Variants in UGT1A10 observed in about 807,000 individuals in gnomAD.
The protein encoded by UGT1A10 is UDP glucuronosyltransferase family 1 member A10.
Under a neutral mutation model 45.8 loss-of-function variants are expected in UGT1A10, and 49 were observed. The observed-to-expected ratio is 1.07, with a 90% CI of 0.85 to 1.36. The LOEUF (loss-of-function observed/expected upper bound fraction) is 1.36, where lower values mean the gene tolerates loss of function less well. Among genes scored for constraint, UGT1A10 ranks in the 40% most tolerant of loss-of-function variants. The pLI, the probability that UGT1A10 is intolerant of heterozygous loss-of-function variation, is 0.00. For missense variants in UGT1A10, 745 were observed against 668.6 expected (o/e 1.11, Z -1.26); for synonymous variants, 284 against 249.7 (o/e 1.14, Z -1.29).
intron 1 of UGT1A10, among the ~76,000 whole-genome samples, chr2:233,679,063 A>C (rs10207520): frequency 0.3 from 45,512 of 151,864 alleles, 7,096 homozygotes; most frequent in South Asian, 0.4. Context: ...ATTCTCTTCC[A>C]TAGTATTGAC....
At chr2:233,661,190 C>T (rs1207602142) in intron 1 of UGT1A10, among the ~76,000 whole-genome samples, 2 of 151,278 alleles carry the variant, frequency 1.3e-5, no homozygotes, top group East Asian at 1.9e-4. Context: ...AATATGTGAG[C>T]GTTCCCCAAC....
chr2:233,743,766 C>G (rs750440547), intron 1 of UGT1A10: 10 of 1,367,368 alleles, frequency 7.3e-6, no homozygotes, highest in Non-Finnish European at 9.8e-6. Flanking sequence ...TCGTAGGCCT[C>G]GGCCACCTGC....
chr2:233,761,292 A>G, intron 1 of UGT1A10: 4 of 1,528,102 alleles, frequency 2.6e-6, no homozygotes, highest in Middle Eastern at 1.9e-4. Flanking sequence ...TTTGACTCCT[A>G]GGTTTGAGTC....
chr2:233,760,863 C>A, intron 1 of UGT1A10: 1 of 1,614,134 alleles, frequency 6.2e-7, no homozygotes, highest in Non-Finnish European at 8.5e-7. Flanking sequence ...CATTCTCCTA[C>A]GTGCCCAGGC....
intron 1 of UGT1A10, chr2:233,682,206 T>C (rs1290794027): frequency 6.2e-7 from 1 of 1,614,224 alleles, no homozygotes; most frequent in Middle Eastern, 1.7e-4. Flanking sequence ...GACCGGGAGT[T>C]CATGGTTTTT....
intron 1 of UGT1A10, among the ~76,000 whole-genome samples, chr2:233,641,590 T>C (rs2073454194): frequency 6.6e-6 from 1 of 152,264 alleles, no homozygotes; most frequent in African/African-American, 2.4e-5. Context: ...GTGTACTTAC[T>C]ATTACCAGTG....
chr2:233,724,324 G>A (rs1335235412), intron 1 of UGT1A10, among the ~76,000 whole-genome samples: 16 of 147,022 alleles, frequency 1.1e-4, no homozygotes, highest in African/African-American at 1.5e-4. Flanking sequence ...GGGGCGGCTG[G>A]CCAGGCGGGG....
intron 1 of UGT1A10, among the ~76,000 whole-genome samples, chr2:233,726,421 T>C (rs1301909169): frequency 6.6e-6 from 1 of 152,226 alleles, no homozygotes; most frequent in African/African-American, 2.4e-5. Context: ...TCTGATTCTG[T>C]CCACTCTTAA....
intron 1 of UGT1A10, among the ~76,000 whole-genome samples, chr2:233,758,576 G>A (rs1696917059): frequency 6.6e-6 from 1 of 152,184 alleles, no homozygotes; most frequent in Admixed American, 6.5e-5. Context: ...AAAAAATGAA[G>A]AGTGTTTGGG....
intron 1 of UGT1A10, among the ~76,000 whole-genome samples, chr2:233,659,417 C>T (rs1428226736): frequency 6.6e-6 from 1 of 151,992 alleles, no homozygotes; most frequent in Non-Finnish European, 1.5e-5. Flanking sequence ...GTAATAAAGT[C>T]AGCTAGATAA....
At chr2:233,749,415 A>G (rs1694185994) in intron 1 of UGT1A10, among the ~76,000 whole-genome samples, 1 of 151,912 alleles carries the variant, frequency 6.6e-6, no homozygotes, top group Non-Finnish European at 1.5e-5. Context: ...TGTTAACTAC[A>G]TTGCTCAAAA....
At chr2:233,754,113 C>T (rs1185376783) in intron 1 of UGT1A10, among the ~76,000 whole-genome samples, 1 of 152,168 alleles carries the variant, frequency 6.6e-6, no homozygotes, top group Non-Finnish European at 1.5e-5. Flanking sequence ...TCCTACATCA[C>T]GAGCATTTAT....
intron 1 of UGT1A10, among the ~76,000 whole-genome samples, chr2:233,723,275 T>C (rs4663332): frequency 0.33 from 30,050 of 91,182 alleles, 6,430 homozygotes; most frequent in African/African-American, 0.61. Context: ...AATGGCACGA[T>C]GTTGGCTCAC....
At chr2:233,737,920 A>AT (rs1189793368) in intron 1 of UGT1A10, among the ~76,000 whole-genome samples, 1 of 152,076 alleles carries the variant, frequency 6.6e-6, no homozygotes, top group Non-Finnish European at 1.5e-5. Context: ...AGGCTAGTGT[A>AT]TTTAGTAGTG....
chr2:233,693,120 G>A, intron 1 of UGT1A10: 1 of 1,614,180 alleles, frequency 6.2e-7, no homozygotes, highest in Non-Finnish European at 8.5e-7. Flanking sequence ...GGAAGCCACT[G>A]GCTTAGTATG....
chr2:233,690,105 T>C (rs2074974795), intron 1 of UGT1A10, among the ~76,000 whole-genome samples: 1 of 152,240 alleles, frequency 6.6e-6, no homozygotes, highest in Non-Finnish European at 1.5e-5. Context: ...CTGCATCTTA[T>C]GTCACATATG....
intron 1 of UGT1A10, among the ~76,000 whole-genome samples, chr2:233,638,422 A>T (rs988030709): frequency 6.6e-6 from 1 of 152,162 alleles, no homozygotes; most frequent in African/African-American, 2.4e-5. Flanking sequence ...TATGCATTAG[A>T]TGTACAATAT....
intron 1 of UGT1A10, among the ~76,000 whole-genome samples, chr2:233,670,565 G>T (rs960748916): frequency 2.6e-5 from 4 of 152,178 alleles, no homozygotes; most frequent in African/African-American, 9.7e-5. Flanking sequence ...CTTCTTCTAT[G>T]TCTTCTTTAG....
At chr2:233,688,692 A>T (rs1187476979) in intron 1 of UGT1A10, among the ~76,000 whole-genome samples, 1 of 152,142 alleles carries the variant, frequency 6.6e-6, no homozygotes, top group Non-Finnish European at 1.5e-5. Flanking sequence ...TTAATATTAA[A>T]CGTCCTTCAT....
Sources: allele counts gnomAD v4.1 joint callset (sites outside exome capture counted in the v4.1 genomes callset), GRCh38; gene constraint gnomAD v4.1.1; transcripts MANE v1.5; gene names NCBI Gene and HGNC (gene_info 2026-07-23, HGNC 2026-07-21).